UBA52: variants seen among roughly 807,000 people sequenced by gnomAD.
The protein encoded by UBA52 is ubiquitin-ribosomal protein eL40 fusion protein.
In UBA52, 1 loss-of-function variant was observed where a neutral mutation model predicts 15.3. The observed-to-expected ratio is 0.07, with a 90% CI of 0.02 to 0.31. The LOEUF (loss-of-function observed/expected upper bound fraction) is 0.31, where lower values mean the gene tolerates loss of function less well. Ranked by LOEUF, UBA52 falls within the 10% of genes least tolerant of loss-of-function variation. The probability of loss-of-function intolerance (pLI) is 1.00; values close to 1 mark genes in which losing one functional copy is unlikely to be tolerated. For synonymous variants in UBA52, 50 were observed against 58.3 expected (o/e 0.86, Z 0.65); for missense variants, 87 against 168.0 (o/e 0.52, Z 2.66).
At chr19:18,573,634 C>A in intron 2 of UBA52, 28 bp from the exon 3 acceptor site, 1 of 1,609,564 alleles carries the variant, frequency 6.2e-7, no homozygotes, top group Non-Finnish European at 8.5e-7. Flanking sequence ...GTCCGCAGAG[C>A]CTCTAACTGA....
chr19:18,569,555 A>C (rs529793571), upstream of UBA52, among the ~76,000 whole-genome samples: 1 of 151,762 alleles, frequency 6.6e-6, no homozygotes, highest in Non-Finnish European at 1.5e-5. Context: ...ATAACAACCC[A>C]AGTTCCCGTC....
rs928312091 is a variant in UBA52 at position 18,574,782 on chromosome 19, G to A, written c.191-88G>A. 80 of 1,511,656 alleles carry A rather than the reference G, an allele frequency of 5.3e-5. No homozygotes were observed. The Admixed American group carries it at 6.0e-4, about 11-fold the overall frequency. The allele number at this position is 1,511,656 out of a possible 1,614,324, so 93.6% of individuals were successfully genotyped here. On this transcript the variant is annotated intron_variant, in intron 3 of 4. Transcript: ENST00000442744. The stretch of plus-strand genomic sequence containing the variant: ...TGTCCCCATCACACTTGAGAAAGCA[G>A]CAGACTATAGGCCCTGGAGGGTCCT...
At chr19:18,573,792 G>A in intron 3 of UBA52, 44 bp downstream of exon 3, 1 of 1,588,486 alleles carries the variant, frequency 6.3e-7, no homozygotes, top group South Asian at 1.1e-5. Context: ...AGATCCCCAG[G>A]TCCTAGGAAA....
At chr19:18,571,730 G>C (rs890648095), upstream of UBA52, 1 of 152,290 alleles carries the variant, frequency 6.6e-6, no homozygotes, top group Non-Finnish European at 1.5e-5. Flanking sequence ...CTGCGGCTTC[G>C]TTCGCCAGCA....
rs557695554 is a variant in UBA52, at chr19:18,571,898, G to C, written c.-20G>C. The C allele has an allele frequency of 1.3e-5, 2 of 153,050 alleles. No individual in the cohort carries two copies. The highest frequency in any genetic ancestry group is 2.9e-5 in the Non-Finnish European group (2 of 68,670). 9.5% of individuals were successfully genotyped at this position (153,050 alleles called of 1,614,324 possible). A position where few individuals can be genotyped will look rare whatever the true frequency, so the allele number is the denominator to read the frequency against. On this transcript the variant is annotated 5_prime_UTR_variant, in exon 1 of 5. Transcript: ENST00000442744. ...GAGGCGGCCGAGCTGGTTGGTGGCG[G>C]CGGTCGTGCGGGTTCGCGCCGGGCC...
chr19:18,568,822 T>C (rs1975389311), upstream of UBA52: 3 of 593,156 alleles, frequency 5.1e-6, no homozygotes, highest in African/African-American at 5.6e-5. Context: ...GGCTCCTTCC[T>C]TCCTCAGAAC....
intron 1 of UBA52, chr19:18,573,066 G>A (rs1975586125): frequency 1.5e-6 from 2 of 1,312,032 alleles, no homozygotes; most frequent in African/African-American, 3.0e-5. Flanking sequence ...CAGGAGGGTG[G>A]AGGACATGTG....
In UBA52 at chr19:18,574,778, A is replaced by G. The variant is rs1238723977; in HGVS notation, c.191-92A>G. 4 of 1,493,500 alleles carry G rather than the reference A, an allele frequency of 2.7e-6. No individual in the cohort carries two copies. The Admixed American group carries it at 7.9e-5, about 30-fold the overall frequency. 92.5% of individuals were successfully genotyped at this position (1,493,500 alleles called of 1,614,324 possible). A position where few individuals can be genotyped will look rare whatever the true frequency, so the allele number is the denominator to read the frequency against. On this transcript the variant is annotated intron_variant, in intron 3 of 4. Transcript: ENST00000442744. ...TTGGTGTCCCCATCACACTTGAGAA[A>G]GCAGCAGACTATAGGCCCTGGAGGG...
At chr19:18,569,970 G>A (rs983475044), upstream of UBA52, among the ~76,000 whole-genome samples, 5 of 152,278 alleles carry the variant, frequency 3.3e-5, no homozygotes, top group African/African-American at 1.2e-4. Context: ...GGCAGAGGTT[G>A]CAGTGAGCCA....
At chr19:18,566,225 C>A in the UBA52 span, among the ~76,000 whole-genome samples, 4 of 151,808 alleles carry the variant, frequency 2.6e-5, no homozygotes, top group Admixed American at 1.3e-4. Flanking sequence ...CCGAGGCAGG[C>A]GGATCACGAG....
At chr19:18,567,051 G>T, upstream of UBA52, 1 of 1,340,036 alleles carries the variant, frequency 7.5e-7, no homozygotes, top group Non-Finnish European at 1.1e-6. Flanking sequence ...CCCTCAGCTG[G>T]CAGCAGGGGC....
rs1382662154 is a variant in UBA52 at position 18,576,024 on chromosome 19, G to A, written c.*874G>A. 1.3e-5 allele frequency: 2 copies of A among 152,338 alleles called. No homozygotes were observed. The highest frequency in any genetic ancestry group is 2.9e-5 in the Non-Finnish European group (2 of 68,128). 9.4% of individuals were successfully genotyped at this position (152,338 alleles called of 1,614,324 possible). A position where few individuals can be genotyped will look rare whatever the true frequency, so the allele number is the denominator to read the frequency against. ...GCCTCCCAGAATGCTGGTATTACAG[G>A]CGTGAGCCAGCACGCCTGGCCCAGT... On this transcript the variant is annotated 3_prime_UTR_variant, in exon 5 of 5. Transcript: ENST00000442744.
At chr19:18,567,254 T>G (rs768384512), upstream of UBA52, 1 of 1,451,322 alleles carries the variant, frequency 6.9e-7, no homozygotes, top group African/African-American at 1.4e-5. Flanking sequence ...GAAGGCCACC[T>G]TGGGGCCTGA....
chr19:18,564,852 CCT>C, the UBA52 span: 15 of 1,612,848 alleles, frequency 9.3e-6, no homozygotes, highest in African/African-American at 1.3e-5. Flanking sequence ...AAGCTCATGC[CCT>C]CTCTCCACCA....
chr19:18,573,452 C>G, intron 2 of UBA52, 49 bp downstream of exon 2: 1 of 1,513,804 alleles, frequency 6.6e-7, no homozygotes, highest in Non-Finnish European at 9.1e-7. Context: ...GGGAGTCCCT[C>G]TCTGCCCAGG....
chr19:18,575,920 G>A lies in UBA52; in HGVS notation c.*770G>A, dbSNP rs1280581926. 6.6e-6 allele frequency: 1 copy of A among 152,272 alleles called. No individual in the cohort carries two copies. Among genetic ancestry groups the A allele is most frequent in the Non-Finnish European group, 1.5e-5 (1 of 68,150 alleles). The allele number at this position is 152,272 out of a possible 1,614,324, so 9.4% of individuals were successfully genotyped here. On this transcript the variant is annotated 3_prime_UTR_variant, in exon 5 of 5. Coordinates refer to ENST00000442744, the MANE Select transcript of UBA52 (RefSeq NM_001033930.3). ...CGCCACAACTCCTGGCTAATTTTTT[G>A]TATTTTTAGTAGAGACGGGGTTTCA... is the stretch of plus-strand genomic sequence containing the variant.
At chr19:18,574,392 G>A (rs1238328715) in intron 3 of UBA52, among the ~76,000 whole-genome samples, 4 of 151,698 alleles carry the variant, frequency 2.6e-5, no homozygotes, top group South Asian at 4.2e-4. Flanking sequence ...GGGTTCAAGC[G>A]ATTCCCCTGC....
At chr19:18,568,304 G>T, upstream of UBA52, 1 of 824,874 alleles carries the variant, frequency 1.2e-6, no homozygotes, top group Non-Finnish European at 2.0e-6. Context: ...ATACCCCCAT[G>T]GGGTGAGGGC....
chr19:18,576,632 G>A lies in UBA52; in HGVS notation c.*1482G>A, dbSNP rs953200919. On this transcript the variant is annotated 3_prime_UTR_variant, in exon 5 of 5. Transcript: ENST00000442744. ...TGGCTTCAAACTCCTGAACTTAAAA[G>A]CCTCCTGTTTAGTTTTGGTTTTTTA... The A allele has an allele frequency of 6.6e-6, 1 of 151,332 alleles. No individual in the cohort carries two copies. Among genetic ancestry groups the A allele is most frequent in the Non-Finnish European group, 1.5e-5 (1 of 67,922 alleles). 9.4% of individuals were successfully genotyped at this position (151,332 alleles called of 1,614,324 possible).
Sources: allele counts gnomAD v4.1 joint callset (sites outside exome capture counted in the v4.1 genomes callset), GRCh38; gene constraint gnomAD v4.1.1; transcripts MANE v1.5; gene names NCBI Gene and HGNC (gene_info 2026-07-23, HGNC 2026-07-21).